TFAP2E: variants seen among roughly 807,000 people sequenced by gnomAD.
TFAP2E encodes transcription factor AP-2-epsilon.
Under a neutral mutation model 37.9 loss-of-function variants are expected in TFAP2E, and 30 were observed. That is an observed-to-expected ratio of 0.79 (90% CI 0.59 to 1.07). TFAP2E has a LOEUF of 1.07. Ranked by LOEUF, TFAP2E falls within the 50% of genes least tolerant of loss-of-function variation. The pLI is 0.00. For synonymous variants in TFAP2E, 318 were observed against 295.8 expected (o/e 1.08, Z -0.77); for missense variants, 567 against 637.9 (o/e 0.89, Z 1.20).
At chr1:35,579,724 C>T (rs1008266029) in intron 3 of TFAP2E, among the ~76,000 whole-genome samples, 6 of 152,102 alleles carry the variant, frequency 3.9e-5, no homozygotes, top group Admixed American at 1.3e-4. Flanking sequence ...CAAAAATCCA[C>T]GATAAACAAA....
rs1236664977 is a variant in TFAP2E, at chr1:35,574,406, G to A, written c.507G>A (p.Leu169=). The change falls in exon 2 of 7, where the codon CTG becomes CTA. Residue 169 remains leucine, a synonymous_variant. Coordinates refer to ENST00000373235, the MANE Select transcript of TFAP2E (RefSeq NM_178548.4). ...CGGCGGCCCCCGGTCTGGAGGACCT[G>A]CAGGTGAGACCCGAGGGATCCGGGA... is the stretch of plus-strand genomic sequence containing the variant. ...GLAAAPGLED[L]QAMDEPGMSL... is the part of the protein sequence containing the mutation. The A allele has an allele frequency of 7.0e-7, 1 of 1,429,090 alleles. No homozygotes were observed. The highest frequency in any genetic ancestry group is 1.5e-5 in the South Asian group (1 of 67,840). 88.5% of individuals were successfully genotyped at this position (1,429,090 alleles called of 1,614,324 possible).
Position 35,590,791 on chromosome 1 carries a change from C to T in TFAP2E, c.1046+16C>T, listed in dbSNP as rs191735556. On this transcript the variant is annotated intron_variant, in intron 6 of 6. Transcript: ENST00000373235. The surrounding 1 kb of genome is among the most constrained non-coding windows in gnomAD (Gnocchi z 6.2). The stretch of plus-strand genomic sequence containing the variant: ...TGGCTGCCAAGTGAGTGAGGGCACC[C>T]TGCACAGGCACACGTGGGTGCCATG... The T allele has an allele frequency of 9.6e-5, 135 of 1,413,284 alleles. No homozygotes were observed. In the African/African-American group the frequency reaches 1.7e-3, roughly 18 times the overall value. 87.5% of individuals were successfully genotyped at this position (1,413,284 alleles called of 1,614,324 possible). A position where few individuals can be genotyped will look rare whatever the true frequency, so the allele number is the denominator to read the frequency against.
At position 35,588,681 on chromosome 1, in the gene TFAP2E, C is replaced by T. The variant is rs530395940; in HGVS notation, c.785+129C>T. On this transcript the variant is annotated intron_variant, in intron 4 of 6. Coordinates refer to ENST00000373235, the MANE Select transcript of TFAP2E (RefSeq NM_178548.4). This position sits in a 1 kb window ranked among gnomAD's most constrained non-coding sequence, Gnocchi z 5.1. Reference sequence around the variant, plus strand: ...TCAGTCTCCCTGGGAGGGGAGGCCCCGGGGACTCTGGATTGTGCATGTTGT... The same window carrying T: ...TCAGTCTCCCTGGGAGGGGAGGCCCTGGGGACTCTGGATTGTGCATGTTGT... The T allele has an allele frequency of 9.4e-5, 93 of 989,514 alleles. No individual in the cohort carries two copies. Among genetic ancestry groups the T allele is most frequent in the Non-Finnish European group, 1.2e-4 (85 of 705,748 alleles). 61.3% of individuals were successfully genotyped at this position (989,514 alleles called of 1,614,324 possible).
At position 35,590,152 on chromosome 1, in the gene TFAP2E, TATCC is replaced by T; in HGVS notation, c.904+105_904+108del. The T allele has an allele frequency of 9.4e-7, 1 of 1,063,994 alleles. No individual in the cohort carries two copies. The highest frequency in any genetic ancestry group is 2.4e-5 in the East Asian group (1 of 40,868). 65.9% of individuals were successfully genotyped at this position (1,063,994 alleles called of 1,614,324 possible). Reference sequence around the variant, plus strand: ...GAGGGTGTGTTTAGTGGTGTGTGTGTATCCGTGTAAGTGTTGCAGTATCTGTGTG... The same window carrying T: ...GAGGGTGTGTTTAGTGGTGTGTGTGTGTGTAAGTGTTGCAGTATCTGTGTG... On this transcript the variant is annotated intron_variant, in intron 5 of 6. Coordinates refer to ENST00000373235, the MANE Select transcript of TFAP2E (RefSeq NM_178548.4). This position sits in a 1 kb window ranked among gnomAD's most constrained non-coding sequence, Gnocchi z 6.2.
rs1649110690 is a variant in TFAP2E, at chr1:35,574,421, G to A, written c.510+12G>A. ...TGGAGGACCTGCAGGTGAGACCCGA[G>A]GGATCCGGGATGGGTCGGGACTGGC... On this transcript the variant is annotated intron_variant, in intron 2 of 6. Coordinates refer to ENST00000373235, the MANE Select transcript of TFAP2E (RefSeq NM_178548.4). 1.4e-6 allele frequency: 2 copies of A among 1,403,278 alleles called. No individual in the cohort carries two copies. The highest frequency in any genetic ancestry group is 1.8e-6 in the Non-Finnish European group (2 of 1,086,954). The allele number at this position is 1,403,278 out of a possible 1,614,324, so 86.9% of individuals were successfully genotyped here. A position where few individuals can be genotyped will look rare whatever the true frequency, so the allele number is the denominator to read the frequency against.
chr1:35,575,377 C>G (rs540171387), intron 3 of TFAP2E, among the ~76,000 whole-genome samples: 2 of 152,388 alleles, frequency 1.3e-5, no homozygotes, highest in African/African-American at 4.8e-5. Context: ...ATGATTTTCA[C>G]TTTACAGTGC....
In TFAP2E at chr1:35,591,213, C is replaced by G. The variant is rs1249762393; in HGVS notation, c.1046+438C>G. Among the ~76,000 whole-genome samples the G allele has an allele frequency of 1.3e-5, 2 of 152,168 alleles. 1 individual carries two copies. Among genetic ancestry groups the G allele is most frequent in the Non-Finnish European group, 2.9e-5 (2 of 68,008 alleles). ...CTCAGACATACATGAACACTCTTCA[C>G]AAGCTCCTGGAGCACACATAGACAC... On this transcript the variant is annotated intron_variant, in intron 6 of 6. Coordinates refer to ENST00000373235, the MANE Select transcript of TFAP2E (RefSeq NM_178548.4).
At chr1:35,575,027 C>A in intron 3 of TFAP2E, 27 bp downstream of exon 3, 6 of 1,613,640 alleles carry the variant, frequency 3.7e-6, no homozygotes, top group Admixed American at 1.7e-5. Flanking sequence ...CAGGGCAGAG[C>A]CCGGCGAGAT....
Position 35,589,888 on chromosome 1 carries a change from G to C in TFAP2E, c.786-42G>C. The C allele has an allele frequency of 4.4e-6, 7 of 1,604,964 alleles. No individual in the cohort carries two copies. The South Asian group carries it at 5.5e-5, about 13-fold the overall frequency. ...CACTTAGCTTCCATGCGTTTCTCTT[G>C]TCTTCATAGTTGTATGTCTGTCTGT... On this transcript the variant is annotated intron_variant, in intron 4 of 6. Coordinates refer to ENST00000373235, the MANE Select transcript of TFAP2E (RefSeq NM_178548.4).
At chr1:35,585,782 C>G (rs1485401584) in intron 3 of TFAP2E, among the ~76,000 whole-genome samples, 4 of 152,154 alleles carry the variant, frequency 2.6e-5, no homozygotes, top group African/African-American at 9.7e-5. Flanking sequence ...TGGTGGCTCA[C>G]CCCTTTAATT....
chr1:35,581,259 A>AT (rs1416139031), intron 3 of TFAP2E, among the ~76,000 whole-genome samples: 3 of 152,208 alleles, frequency 2.0e-5, no homozygotes, highest in Admixed American at 6.5e-5. Flanking sequence ...GCTTCATAGT[A>AT]TGCCATTGTA....
Position 35,590,538 on chromosome 1 carries a change from G to A in TFAP2E, c.905-96G>A. The A allele has an allele frequency of 7.4e-7, 1 of 1,355,930 alleles. No homozygotes were observed. Among genetic ancestry groups the A allele is most frequent in the Non-Finnish European group, 9.7e-7 (1 of 1,033,092 alleles). The allele number at this position is 1,355,930 out of a possible 1,614,324, so 84.0% of individuals were successfully genotyped here. A position where few individuals can be genotyped will look rare whatever the true frequency, so the allele number is the denominator to read the frequency against. ...GAGGGGGCATCTACACAGGCAGGAT[G>A]GGGCAGGATACCCCTGACCAGGGGG... On this transcript the variant is annotated intron_variant, in intron 5 of 6. Coordinates refer to ENST00000373235, the MANE Select transcript of TFAP2E (RefSeq NM_178548.4). This position sits in a 1 kb window ranked among gnomAD's most constrained non-coding sequence, Gnocchi z 6.2.
chr1:35,583,562 G>T lies in TFAP2E; in HGVS notation c.563-4768G>T, dbSNP rs114892592. Among the ~76,000 whole-genome samples, 955 of 152,080 alleles carry T rather than the reference G, an allele frequency of 6.3e-3. 10 individuals carry two copies. The highest frequency in any genetic ancestry group is 0.01 in the Non-Finnish European group (689 of 68,018). ...CTACCACCTGCGGACAGAGTGCCTTGTCTGACAGGTTGAATAACCGGGAGC... is the reference window on the plus strand; with the variant it reads ...CTACCACCTGCGGACAGAGTGCCTTTTCTGACAGGTTGAATAACCGGGAGC... On this transcript the variant is annotated intron_variant, in intron 3 of 6. Coordinates refer to ENST00000373235, the MANE Select transcript of TFAP2E (RefSeq NM_178548.4).
intron 6 of TFAP2E, among the ~76,000 whole-genome samples, chr1:35,593,408 C>A (rs1649742797): frequency 2.0e-5 from 3 of 152,256 alleles, no homozygotes; most frequent in Admixed American, 2.0e-4. Context: ...CTGGCCCACA[C>A]AAACTCCACC....
At chr1:35,587,620 G>C (rs1649517912) in intron 3 of TFAP2E, among the ~76,000 whole-genome samples, 2 of 129,060 alleles carry the variant, frequency 1.5e-5, no homozygotes, top group African/African-American at 3.1e-5. Context: ...CCTGGTGACA[G>C]AGCGAGACTC....
At position 35,573,901 on chromosome 1, in the gene TFAP2E, C is replaced by A. The variant is rs200942234; in HGVS notation, c.28-26C>A. On this transcript the variant is annotated intron_variant, in intron 1 of 6. Coordinates refer to ENST00000373235, the MANE Select transcript of TFAP2E (RefSeq NM_178548.4). This position sits in a 1 kb window ranked among gnomAD's most constrained non-coding sequence, Gnocchi z 5.9. Reference sequence around the variant, plus strand: ...GGTCCTTTCAGCTGCCAGTGGGTCACCTAAGGCACCCCTCTCCTTCCCCAG... The same window carrying A: ...GGTCCTTTCAGCTGCCAGTGGGTCAACTAAGGCACCCCTCTCCTTCCCCAG... 3 of 1,446,424 alleles carry A rather than the reference C, an allele frequency of 2.1e-6. No homozygotes were observed. Among genetic ancestry groups the A allele is most frequent in the Non-Finnish European group, 2.7e-6 (3 of 1,113,800 alleles). 89.6% of individuals were successfully genotyped at this position (1,446,424 alleles called of 1,614,324 possible). A position where few individuals can be genotyped will look rare whatever the true frequency, so the allele number is the denominator to read the frequency against.
chr1:35,575,330 A>G (rs3944110), intron 3 of TFAP2E, among the ~76,000 whole-genome samples: 38,510 of 152,236 alleles, frequency 0.25, 10,149 homozygotes, highest in East Asian at 0.77. Context: ...TCCCTAAGAG[A>G]TGGGAATGGA....
chr1:35,573,777 C>T lies in TFAP2E; in HGVS notation c.28-150C>T. 1 of 1,374,200 alleles carries T rather than the reference C, an allele frequency of 7.3e-7. No individual in the cohort carries two copies. The highest frequency in any genetic ancestry group is 9.5e-7 in the Non-Finnish European group (1 of 1,053,446). The allele number at this position is 1,374,200 out of a possible 1,614,324, so 85.1% of individuals were successfully genotyped here. On this transcript the variant is annotated intron_variant, in intron 1 of 6. Transcript: ENST00000373235. This position sits in a 1 kb window ranked among gnomAD's most constrained non-coding sequence, Gnocchi z 5.9. ...GACCGCTGTCCCCAGCCTGAGGCTC[C>T]TGCGCCCGCGGGTGGCTCGGAAATA...
chr1:35,574,789 G>A (rs1288326802), intron 2 of TFAP2E, 160 bp from the exon 3 acceptor site: 6 of 913,070 alleles, frequency 6.6e-6, no homozygotes, highest in Middle Eastern at 2.8e-4. Flanking sequence ...CTCCAGCTCA[G>A]TGCCTGGACA....
Sources: gnomAD v4.1 joint callset for allele counts (sites outside exome capture counted in the v4.1 genomes callset) on GRCh38, gnomAD v4.1.1 for gene constraint, Gnocchi (gnomAD v3.1) non-coding constraint, MANE v1.5 for transcripts, NCBI Gene and HGNC (gene_info 2026-07-23, HGNC 2026-07-21) for gene names.